Variants in ANKFN1 observed in about 807,000 individuals in gnomAD.
The protein encoded by ANKFN1 is ankyrin repeat and fibronectin type III domain containing 1, also known as ankyrin repeat and fibronectin type-III domain-containing protein 1.
A neutral mutation model predicts 108.7 loss-of-function variants in ANKFN1; 74 were observed. The ratio of observed to expected loss-of-function variants is 0.68; its 90% confidence interval spans 0.56 to 0.83. The LOEUF (loss-of-function observed/expected upper bound fraction) is 0.83. Among genes scored for constraint, ANKFN1 ranks in the 40% least tolerant of loss-of-function variants. ANKFN1 has a pLI of 0.00. For synonymous variants in ANKFN1, 547 were observed against 516.2 expected (o/e 1.06, Z -0.81); for missense variants, 1,505 against 1,382.3 (o/e 1.09, Z -1.41).
chr17:56,341,078 G>A (rs1336045456), intron 4 of ANKFN1, among the ~76,000 whole-genome samples: 1 of 152,018 alleles, frequency 6.6e-6, no homozygotes, highest in Non-Finnish European at 1.5e-5. Flanking sequence ...GTGAATGGGA[G>A]TAGATTCCTC....
At chr17:56,498,291 A>C (rs914486231) in intron 19 of ANKFN1, among the ~76,000 whole-genome samples, 4 of 152,144 alleles carry the variant, frequency 2.6e-5, no homozygotes, top group Non-Finnish European at 2.9e-5. Flanking sequence ...ACTTAGCAAA[A>C]ATATTCCAGT....
chr17:56,512,702 C>T lies in ANKFN1; in HGVS notation c.*1433C>T, dbSNP rs1407435562. Among the ~76,000 whole-genome samples, 1 of 152,208 alleles carries T rather than the reference C, an allele frequency of 6.6e-6. No individual in the cohort carries two copies. The highest frequency in any genetic ancestry group is 2.1e-4 in the South Asian group (1 of 4,830). On this transcript the variant is annotated 3_prime_UTR_variant, in exon 21 of 21. Coordinates refer to ENST00000682825, the MANE Select transcript of ANKFN1 (RefSeq NM_001370326.1). ...TGGCCCTATCCTTGTCCACAGAGTT[C>T]TACCATTCCTCCTCATGGGAGTTCA...
chr17:56,167,915 T>C (rs1990498), intron 1 of ANKFN1, among the ~76,000 whole-genome samples: 109,117 of 151,986 alleles, frequency 0.72, 39,793 homozygotes, highest in East Asian at 0.94. Flanking sequence ...GCCTGGAAAA[T>C]GCAGGCTTCC....
At chr17:56,092,400 G>A (rs4286158) in intron 4 of ANKFN1, among the ~76,000 whole-genome samples, 19,740 of 148,672 alleles carry the variant, frequency 0.13, 3,815 homozygotes, top group African/African-American at 0.4. Flanking sequence ...TCAGCCTCCC[G>A]AGTAGCTGGG....
chr17:56,389,465 T>C (rs981187366), intron 8 of ANKFN1, among the ~76,000 whole-genome samples: 2 of 152,236 alleles, frequency 1.3e-5, no homozygotes, highest in African/African-American at 2.4e-5. Context: ...GTTTACCTTT[T>C]AAAGGATTTA....
At chr17:56,047,354 G>A (rs567727692) in intron 4 of ANKFN1, among the ~76,000 whole-genome samples, 6 of 152,250 alleles carry the variant, frequency 3.9e-5, no homozygotes, top group African/African-American at 1.4e-4. Flanking sequence ...CCAAGAGAGG[G>A]GGAAAGGGGG....
At chr17:56,263,829 CT>C (rs1417994539) in intron 3 of ANKFN1, among the ~76,000 whole-genome samples, 11 of 152,318 alleles carry the variant, frequency 7.2e-5, no homozygotes, top group Non-Finnish European at 1.0e-4. Flanking sequence ...CATAGTCCCC[CT>C]GATACCTGCT....
chr17:56,473,168 T>C (rs947833040), intron 15 of ANKFN1: 8 of 152,090 alleles, frequency 5.3e-5, no homozygotes, highest in Admixed American at 4.6e-4. Context: ...AAGTGCTCAG[T>C]AAAAGTTGGT....
At chr17:56,488,968 A>G (rs1425032434) in intron 18 of ANKFN1, among the ~76,000 whole-genome samples, 1 of 152,210 alleles carries the variant, frequency 6.6e-6, no homozygotes, top group Non-Finnish European at 1.5e-5. Flanking sequence ...GGCACTTTAT[A>G]TACATTGTAT....
intron 5 of ANKFN1, among the ~76,000 whole-genome samples, chr17:56,352,457 C>T (rs1457731188): frequency 2.6e-5 from 4 of 152,154 alleles, no homozygotes; most frequent in Non-Finnish European, 5.9e-5. Flanking sequence ...GGTATTCCAA[C>T]TCTTTTAAAG....
In ANKFN1 at chr17:56,510,815, T is replaced by G. The variant is rs1327275858; in HGVS notation, c.2987T>G (p.Phe996Cys). The change falls in exon 21 of 21, where the codon TTC becomes TGC. Residue 996 changes from phenylalanine to cysteine, a missense_variant. Phe to Cys is a radical substitution (Grantham distance 205). Transcript: ENST00000682825. ...TCCGGTGGGCGGCCCCCGCTAGGCTTCCTGGGAAAGCGGAAGCCAGGCAAG... is the reference window on the plus strand; with the variant it reads ...TCCGGTGGGCGGCCCCCGCTAGGCTGCCTGGGAAAGCGGAAGCCAGGCAAG... The part of the protein sequence containing the change: ...TVSGGRPPLG[F>C]LGKRKPGKHP... 2 of 1,536,020 alleles carry G rather than the reference T, an allele frequency of 1.3e-6. No homozygotes were observed. Among genetic ancestry groups the G allele is most frequent in the Admixed American group, 3.9e-5 (2 of 51,000 alleles).
chr17:56,089,058 G>A (rs1905367405), intron 4 of ANKFN1, among the ~76,000 whole-genome samples: 1 of 151,160 alleles, frequency 6.6e-6, no homozygotes, highest in Admixed American at 6.6e-5. Flanking sequence ...AAAATCACTT[G>A]TCAATTTCAA....
chr17:56,469,541 C>T (rs1038735193), intron 15 of ANKFN1, among the ~76,000 whole-genome samples: 4 of 152,112 alleles, frequency 2.6e-5, no homozygotes, highest in African/African-American at 4.8e-5. Context: ...CATCACATCA[C>T]ATTCTGTGCA....
intron 8 of ANKFN1, among the ~76,000 whole-genome samples, chr17:56,385,048 C>T (rs986347132): frequency 7.3e-5 from 11 of 151,616 alleles, no homozygotes; most frequent in African/African-American, 2.7e-4. Flanking sequence ...CTGGAGGCAT[C>T]ACGCTACCTG....
chr17:56,098,034 T>A (rs540052300), intron 4 of ANKFN1, among the ~76,000 whole-genome samples: 2 of 152,178 alleles, frequency 1.3e-5, no homozygotes, highest in Non-Finnish European at 2.9e-5. Flanking sequence ...GGGTGGGCTC[T>A]AAATGCCATC....
chr17:56,326,276 A>C lies in ANKFN1; in HGVS notation c.109A>C (p.Ser37Arg). The part of the protein sequence containing the change: ...AQRLSHRRKQ[S>R]QCDLLNESTG... ...GAGGCTGAGCCACAGGAGAAAGCAA[A>C]GCCAATGTGATTTATTGAATGAAAG... is the stretch of plus-strand genomic sequence containing the variant. The change falls in exon 4 of 21, where the codon AGC (serine) becomes CGC (arginine). Residue 37 changes from serine to arginine, a missense_variant. Coordinates refer to ENST00000682825, the MANE Select transcript of ANKFN1 (RefSeq NM_001370326.1). 1 of 1,614,006 alleles carries C rather than the reference A, an allele frequency of 6.2e-7. No homozygotes were observed. Among genetic ancestry groups the C allele is most frequent in the Non-Finnish European group, 8.5e-7 (1 of 1,179,894 alleles).
intron 4 of ANKFN1, among the ~76,000 whole-genome samples, chr17:56,129,870 C>T (rs1907173716): frequency 6.6e-6 from 1 of 152,124 alleles, no homozygotes; most frequent in African/African-American, 2.4e-5. Flanking sequence ...CAAATTCATG[C>T]TTTTATTAGT....
At chr17:56,225,286 T>G (rs1004181877) in intron 2 of ANKFN1, among the ~76,000 whole-genome samples, 6 of 152,214 alleles carry the variant, frequency 3.9e-5, no homozygotes, top group Middle Eastern at 3.2e-3. Context: ...TTATGAGGAA[T>G]TAACTGCTCA....
intron 8 of ANKFN1, among the ~76,000 whole-genome samples, chr17:56,401,548 T>C (rs1201122723): frequency 6.6e-6 from 1 of 152,096 alleles, no homozygotes; most frequent in Non-Finnish European, 1.5e-5. Flanking sequence ...TCTGAAAACT[T>C]TGCCAAATTT....
Sources: allele counts gnomAD v4.1 joint callset (sites outside exome capture counted in the v4.1 genomes callset), GRCh38; gene constraint gnomAD v4.1.1; transcripts MANE v1.5; gene names NCBI Gene and HGNC (gene_info 2026-07-23, HGNC 2026-07-21).